Variants in CHODL observed in about 807,000 individuals in gnomAD.
CHODL encodes chondrolectin.
A neutral mutation model predicts 34.5 loss-of-function variants in CHODL; 29 were observed. The observed-to-expected ratio is 0.84, with a 90% confidence interval of 0.63 to 1.15. The LOEUF (loss-of-function observed/expected upper bound fraction) is 1.15. CHODL is among the 50% of genes most tolerant of loss of function. The probability of loss-of-function intolerance (pLI) is 0.00; values close to 1 mark genes in which losing one functional copy is unlikely to be tolerated. For missense variants in CHODL, 332 were observed against 332.5 expected (o/e 1.00, Z 0.01); for synonymous variants, 125 against 116.1 (o/e 1.08, Z -0.49).
chr21:18,185,091 G>A (rs2073425331), intron 2 of CHODL, among the ~76,000 whole-genome samples: 1 of 151,944 alleles, frequency 6.6e-6, no homozygotes, highest in Non-Finnish European at 1.5e-5. Flanking sequence ...TGTTACATAG[G>A]TATACACGTG....
At chr21:18,051,426 C>T (rs569208122) in intron 2 of CHODL, among the ~76,000 whole-genome samples, 15 of 146,874 alleles carry the variant, frequency 1.0e-4, no homozygotes, top group African/African-American at 3.0e-4. Flanking sequence ...TTATTTTTTC[C>T]GTAGATGTTG....
intron 2 of CHODL, among the ~76,000 whole-genome samples, chr21:18,154,851 G>A (rs910400070): frequency 6.6e-6 from 1 of 152,126 alleles, no homozygotes; most frequent in Admixed American, 6.5e-5. Context: ...CTCTCTAACA[G>A]CTTAAAGTTG....
intron 2 of CHODL, among the ~76,000 whole-genome samples, chr21:18,137,655 A>G (rs576521099): frequency 7.6e-6 from 1 of 131,396 alleles, no homozygotes; most frequent in East Asian, 1.9e-4. Flanking sequence ...CAAAATTGTC[A>G]TTTACCTCTG....
chr21:18,174,641 T>G lies in CHODL; in HGVS notation c.-44-81868T>G, dbSNP rs573454139. ...ATATGTTAAAATGATTAAATTGATT[T>G]TTTTTAATCAGAAAGAACTGGACCA... On this transcript the variant is annotated intron_variant, in intron 2 of 6. Coordinates refer to the CHODL transcript ENST00000400127. Among the ~76,000 whole-genome samples, 13 of 152,364 alleles carry G rather than the reference T, an allele frequency of 8.5e-5. No individual in the cohort carries two copies. The South Asian group carries it at 2.5e-3, about 29-fold the overall frequency.
chr21:18,223,298 CAG>C (rs891309273), intron 2 of CHODL, among the ~76,000 whole-genome samples: 2 of 152,230 alleles, frequency 1.3e-5, no homozygotes, highest in Non-Finnish European at 2.9e-5. Flanking sequence ...AAGATGTTCC[CAG>C]CTCTCTGAAT....
At chr21:17,935,430 T>C (rs888428939) in intron 1 of CHODL, among the ~76,000 whole-genome samples, 9 of 152,198 alleles carry the variant, frequency 5.9e-5, no homozygotes, top group Admixed American at 2.6e-4. Flanking sequence ...TACCTTCCAT[T>C]ACTCCGTATT....
chr21:18,052,335 G>A (rs1321974797), intron 2 of CHODL, among the ~76,000 whole-genome samples: 3 of 151,848 alleles, frequency 2.0e-5, no homozygotes, highest in Non-Finnish European at 4.4e-5. Flanking sequence ...AGGAAGCTAT[G>A]ACCTATACAG....
At chr21:18,189,837 G>A (rs920494399) in intron 2 of CHODL, among the ~76,000 whole-genome samples, 2 of 152,070 alleles carry the variant, frequency 1.3e-5, no homozygotes, top group Non-Finnish European at 2.9e-5. Context: ...GTTTCACTAT[G>A]TTGGCCAGGC....
chr21:17,970,511 A>G (rs1046126633), intron 1 of CHODL, among the ~76,000 whole-genome samples: 1 of 152,192 alleles, frequency 6.6e-6, no homozygotes, highest in African/African-American at 2.4e-5. Flanking sequence ...ATATTACTCC[A>G]CCTAGACTGA....
intron 2 of CHODL, among the ~76,000 whole-genome samples, chr21:18,236,481 C>G (rs969322605): frequency 6.6e-6 from 1 of 152,024 alleles, no homozygotes; most frequent in Non-Finnish European, 1.5e-5. Context: ...GATTGAAACT[C>G]TGACTTTCAA....
At chr21:17,927,108 GTA>G (rs1394983301) in intron 1 of CHODL, among the ~76,000 whole-genome samples, 2 of 131,774 alleles carry the variant, frequency 1.5e-5, no homozygotes, top group African/African-American at 7.3e-5. Context: ...CTGTGTGTAT[GTA>G]TATATGTATA....
Position 18,260,382 on chromosome 21 carries a change from G to C in CHODL, c.634+96G>C, listed in dbSNP as rs2074366238. Reference sequence around the variant, plus strand: ...CCCAGTGAAACTTGTCTTGCCTGGGGAAGTGGTTCACTAAGTATGGTCCTA... The same window carrying C: ...CCCAGTGAAACTTGTCTTGCCTGGGCAAGTGGTTCACTAAGTATGGTCCTA... On this transcript the variant is annotated intron_variant, in intron 4 of 5. Transcript: ENST00000299295. 1.2e-5 allele frequency: 9 copies of C among 750,362 alleles called. No homozygotes were observed. In the East Asian group the frequency reaches 2.7e-4, roughly 23 times the overall value. The allele number at this position is 750,362 out of a possible 1,614,324, so 46.5% of individuals were successfully genotyped here. A position where few individuals can be genotyped will look rare whatever the true frequency, so the allele number is the denominator to read the frequency against.
chr21:17,939,625 T>A (rs2063347194), intron 1 of CHODL, among the ~76,000 whole-genome samples: 1 of 152,206 alleles, frequency 6.6e-6, no homozygotes, highest in African/African-American at 2.4e-5. Context: ...ACCAAACATC[T>A]ACCATCCTCT....
intron 1 of CHODL, among the ~76,000 whole-genome samples, chr21:17,985,082 T>A (rs570685728): frequency 6.6e-6 from 1 of 152,252 alleles, no homozygotes; most frequent in South Asian, 2.1e-4. Context: ...CAAAGAAAAA[T>A]TCTTATTCAG....
At chr21:18,031,651 G>T (rs1325852544) in intron 2 of CHODL, among the ~76,000 whole-genome samples, 1 of 152,066 alleles carries the variant, frequency 6.6e-6, no homozygotes, top group Non-Finnish European at 1.5e-5. Flanking sequence ...TTCCTTGGTT[G>T]CAGTGGGGAT....
At chr21:18,242,341 C>T (rs563583881), upstream of CHODL, among the ~76,000 whole-genome samples, 2 of 152,204 alleles carry the variant, frequency 1.3e-5, no homozygotes, top group Non-Finnish European at 2.9e-5. Flanking sequence ...TGCTTTCCCC[C>T]AACTCCCAAT....
chr21:18,083,418 C>T (rs2064965814), intron 2 of CHODL, among the ~76,000 whole-genome samples: 1 of 152,172 alleles, frequency 6.6e-6, no homozygotes, highest in African/African-American at 2.4e-5. Flanking sequence ...ACAGATTCCC[C>T]ACTGGCACAC....
chr21:18,181,010 G>A (rs1198649748), intron 2 of CHODL, among the ~76,000 whole-genome samples: 1 of 152,126 alleles, frequency 6.6e-6, no homozygotes, highest in Non-Finnish European at 1.5e-5. Context: ...AATAGCAACA[G>A]ATTTTTATTA....
At chr21:18,240,524 A>G (rs2074071713), upstream of CHODL, among the ~76,000 whole-genome samples, 1 of 152,178 alleles carries the variant, frequency 6.6e-6, no homozygotes, top group Non-Finnish European at 1.5e-5. Context: ...TTAGTCAATT[A>G]TGTATCTAAT....
Sources: gnomAD v4.1 joint callset for allele counts (sites outside exome capture counted in the v4.1 genomes callset) on GRCh38, gnomAD v4.1.1 for gene constraint, MANE v1.5 for transcripts, NCBI Gene and HGNC (gene_info 2026-07-23, HGNC 2026-07-21) for gene names.